Variants in RIT1 observed in about 807,000 individuals in gnomAD.
The protein encoded by RIT1 is Ras like without CAAX 1, also known as GTP-binding protein Rit1.
In RIT1, 6 loss-of-function variants were observed where a neutral mutation model predicts 25.6. The observed-to-expected ratio is 0.23, with a 90% confidence interval of 0.13 to 0.46. RIT1 has a LOEUF of 0.46. RIT1 is among the 20% of genes least tolerant of loss of function. RIT1 has a pLI of 0.99. For missense variants in RIT1, 219 were observed against 284.4 expected, an observed-to-expected ratio of 0.77 and a Z score of 1.65; for synonymous variants, 81 against 94.1, an observed-to-expected ratio of 0.86 and a Z score of 0.80.
chr1:155,910,951 T>C (rs1673584579), intron 1 of RIT1, 147 bp from the exon 2 acceptor site: 2 of 1,452,314 alleles, frequency 1.4e-6, no homozygotes, highest in East Asian at 2.7e-5. Context: ...CCCTTTCGGG[T>C]GGCCCTAAGA....
chr1:155,903,225 G>C (rs1302614198), intron 5 of RIT1, among the ~76,000 whole-genome samples: 10 of 151,948 alleles, frequency 6.6e-5, no homozygotes. Context: ...GAACCTGGGA[G>C]GCAGAGCTTG....
In RIT1 at chr1:155,898,510, A is replaced by AT. The variant is rs1170238485; in HGVS notation, c.*1877_*1878insA. On this transcript the variant is annotated 3_prime_UTR_variant, in exon 6 of 6. Coordinates refer to ENST00000368323, the MANE Select transcript of RIT1 (RefSeq NM_006912.6). The stretch of plus-strand genomic sequence containing the variant: ...CTCTATTTAAAAAAAAAAAAAAAAA[A>AT]AAAAAAAAATATATATATATATATA... 2.5e-4 allele frequency: 28 copies of AT among 112,048 alleles called. No homozygotes were observed. Among genetic ancestry groups the AT allele is most frequent in the Admixed American group, 9.7e-4 (10 of 10,348 alleles). 6.9% of individuals were successfully genotyped at this position (112,048 alleles called of 1,614,324 possible).
chr1:155,908,649 G>C (rs551099445), intron 3 of RIT1, among the ~76,000 whole-genome samples: 1 of 145,268 alleles, frequency 6.9e-6, no homozygotes, highest in Non-Finnish European at 1.5e-5. Context: ...TGCAACCTCC[G>C]CCTCCCAGGT....
At chr1:155,904,541 T>C (rs756232487) in intron 4 of RIT1, 39 bp from the exon 5 acceptor site, 11 of 1,541,466 alleles carry the variant, frequency 7.1e-6, no homozygotes, top group Non-Finnish European at 8.9e-6. Context: ...TGACGCAATC[T>C]AGCCCAACTA....
intron 1 of RIT1, 116 bp downstream of exon 1, chr1:155,911,127 C>T: frequency 1.7e-6 from 1 of 571,832 alleles, no homozygotes. Flanking sequence ...CCCCTTAGGC[C>T]GCAGGGGTTC....
rs1673228180 is a variant in RIT1 at position 155,898,382 on chromosome 1, G to A, written c.*2006C>T. 1 of 149,286 alleles carries A rather than the reference G, an allele frequency of 6.7e-6. No individual in the cohort carries two copies. The highest frequency in any genetic ancestry group is 2.5e-5 in the African/African-American group (1 of 40,488). 9.2% of individuals were successfully genotyped at this position (149,286 alleles called of 1,614,324 possible). A position where few individuals can be genotyped will look rare whatever the true frequency, so the allele number is the denominator to read the frequency against. ...AATAACTATATAGTGTCAATTTCTT[G>A]CTTGGGCCAGGTGGTGGCTCATGCC... On this transcript the variant is annotated 3_prime_UTR_variant, in exon 6 of 6. Coordinates refer to ENST00000368323, the MANE Select transcript of RIT1 (RefSeq NM_006912.6).
At chr1:155,909,210 C>T (rs950041515) in intron 3 of RIT1, among the ~76,000 whole-genome samples, 2 of 151,758 alleles carry the variant, frequency 1.3e-5, no homozygotes, top group African/African-American at 4.8e-5. Flanking sequence ...CCCATCTCTA[C>T]TAAAAATACA....
At chr1:155,910,866 C>T in intron 1 of RIT1, 62 bp from the exon 2 acceptor site, 3 of 1,596,076 alleles carry the variant, frequency 1.9e-6, no homozygotes, top group Non-Finnish European at 2.6e-6. Flanking sequence ...AGCCCTCAAG[C>T]CAGTGCCTTA....
At chr1:155,905,594 T>G (rs1673421148) in intron 3 of RIT1, among the ~76,000 whole-genome samples, 1 of 152,120 alleles carries the variant, frequency 6.6e-6, no homozygotes, top group Non-Finnish European at 1.5e-5. Flanking sequence ...TTATACTAAG[T>G]AACTTATATA....
In RIT1 at chr1:155,899,644, TA is replaced by T. The variant is rs397808743; in HGVS notation, c.*743del. ...TTCCCAAAATGTCTACCTTTGAAGGTAAAAAAAAAAAGAAAACCCTGAAATG... is the reference window on the plus strand; with the variant it reads ...TTCCCAAAATGTCTACCTTTGAAGGTAAAAAAAAAAGAAAACCCTGAAATG... On this transcript the variant is annotated 3_prime_UTR_variant, in exon 6 of 6. Transcript: ENST00000368323. The T allele has an allele frequency of 9.1e-3, 1,857 of 203,736 alleles. No individual in the cohort carries two copies. Among genetic ancestry groups the T allele is most frequent in the East Asian group, 0.046 (543 of 11,908 alleles). 12.6% of individuals were successfully genotyped at this position (203,736 alleles called of 1,614,324 possible). A position where few individuals can be genotyped will look rare whatever the true frequency, so the allele number is the denominator to read the frequency against.
chr1:155,907,928 A>T (rs1673483529), intron 3 of RIT1, among the ~76,000 whole-genome samples: 1 of 150,842 alleles, frequency 6.6e-6, no homozygotes. Context: ...GTCTCTACTA[A>T]AAATACAAAA....
intron 3 of RIT1, 28 bp from the exon 4 acceptor site, chr1:155,904,832 A>G (rs1287349229): frequency 3.4e-6 from 5 of 1,474,280 alleles, no homozygotes; most frequent in Middle Eastern, 3.4e-4. Flanking sequence ...GGTGTACTAT[A>G]AAGTCATAAA....
Position 155,900,086 on chromosome 1 carries a change from A to G in RIT1, c.*302T>C, listed in dbSNP as rs1673281038. Reference sequence around the variant, plus strand: ...CCCTTGTGAACTTAGTCAAACACACATGGTATACATATTCTCCTGGGTATA... The same window carrying G: ...CCCTTGTGAACTTAGTCAAACACACGTGGTATACATATTCTCCTGGGTATA... On this transcript the variant is annotated 3_prime_UTR_variant, in exon 6 of 6. Coordinates refer to ENST00000368323, the MANE Select transcript of RIT1 (RefSeq NM_006912.6). The G allele has an allele frequency of 2.8e-6, 1 of 354,206 alleles. No individual in the cohort carries two copies. Among genetic ancestry groups the G allele is most frequent in the African/African-American group, 2.1e-5 (1 of 48,654 alleles). The allele number at this position is 354,206 out of a possible 1,614,324, so 21.9% of individuals were successfully genotyped here.
chr1:155,900,898 C>T (rs370776643), intron 5 of RIT1, among the ~76,000 whole-genome samples: 2 of 152,124 alleles, frequency 1.3e-5, no homozygotes, highest in Admixed American at 6.6e-5. Context: ...GGCTCACAAC[C>T]TCGGCCTCCC....
At chr1:155,910,556 G>C (rs752589507) in intron 2 of RIT1, 50 bp from the exon 3 acceptor site, 2 of 1,610,740 alleles carry the variant, frequency 1.2e-6, no homozygotes, top group African/African-American at 2.7e-5. Flanking sequence ...GACCCACAGA[G>C]AGAATTTTAA....
At chr1:155,911,176 C>T in intron 1 of RIT1, 67 bp downstream of exon 1, 1 of 501,108 alleles carries the variant, frequency 2.0e-6, no homozygotes, top group East Asian at 3.5e-5. Flanking sequence ...GCCCCCTCCC[C>T]ATTCTCCTCC....
intron 1 of RIT1, 64 bp downstream of exon 1, chr1:155,911,179 T>A (rs1469939079): frequency 4.3e-6 from 2 of 469,278 alleles, no homozygotes; most frequent in African/African-American, 2.0e-5. Context: ...CCCTCCCCAT[T>A]CTCCTCCGAA....
At chr1:155,901,559 A>C (rs1440294407) in intron 5 of RIT1, among the ~76,000 whole-genome samples, 1 of 151,872 alleles carries the variant, frequency 6.6e-6, no homozygotes, top group Non-Finnish European at 1.5e-5. Context: ...AATCGCTTAA[A>C]CCTGGGAGGC....
In RIT1 at chr1:155,900,477, G is replaced by C; in HGVS notation, c.571C>G (p.Leu191Val). 6.2e-7 allele frequency: 1 copy of C among 1,614,122 alleles called. No individual in the cohort carries two copies. The change falls in exon 6 of 6, where the codon CTG (leucine) becomes GTG (valine). Residue 191 changes from leucine (L) to valine (V), a missense_variant. Physicochemically the swap from Leu to Val is conservative, Grantham distance 32. Coordinates refer to ENST00000368323, the MANE Select transcript of RIT1 (RefSeq NM_006912.6). ...GGCTTAGATTTTTTCTCCATGGCCAGTACTGCCTCCTTTTCTTTCCTACGT... is the reference window on the plus strand; with the variant it reads ...GGCTTAGATTTTTTCTCCATGGCCACTACTGCCTCCTTTTCTTTCCTACGT... Reference protein sequence around the residue: ...EIRRKEKEAVLAMEKKSKPKN... With the variant: ...EIRRKEKEAVVAMEKKSKPKN...
Sources: gnomAD v4.1 joint callset for allele counts (sites outside exome capture counted in the v4.1 genomes callset) on GRCh38, gnomAD v4.1.1 for gene constraint, MANE v1.5 for transcripts, NCBI Gene and HGNC (gene_info 2026-07-23, HGNC 2026-07-21) for gene names.